Variants in CCDC7 observed in about 807,000 individuals in gnomAD.
The protein encoded by CCDC7 is coiled-coil domain containing 7.
A neutral mutation model predicts 196.9 loss-of-function variants in CCDC7; 183 were observed. The ratio of observed to expected loss-of-function variants is 0.93; its 90% CI spans 0.82 to 1.05. The LOEUF (loss-of-function observed/expected upper bound fraction) is 1.05, where lower values mean the gene tolerates loss of function less well. CCDC7 is among the 50% of genes least tolerant of loss of function. The pLI is 0.00. For missense variants in CCDC7, 1,540 were observed against 1,482.2 expected (o/e 1.04, Z -0.64); for synonymous variants, 525 against 484.6 (o/e 1.08, Z -1.10).
chr10:32,518,430 G>A, exon 11 of CCDC7: 1 of 1,602,628 alleles, frequency 6.2e-7, no homozygotes, highest in Admixed American at 1.7e-5. Context: ...ACAAACAGAT[G>A]CAGTGTGATT....
At chr10:32,699,464 C>G (rs1393203740) in intron 24 of CCDC7, among the ~76,000 whole-genome samples, 2 of 145,712 alleles carry the variant, frequency 1.4e-5, no homozygotes, top group Admixed American at 6.6e-5. Flanking sequence ...TGTTGGACAT[C>G]TGGGTTGGTT....
intron 18 of CCDC7, among the ~76,000 whole-genome samples, chr10:32,622,662 T>C (rs889467342): frequency 6.6e-6 from 1 of 152,022 alleles, no homozygotes; most frequent in Non-Finnish European, 1.5e-5. Context: ...GCAGGATGTT[T>C]AACAGCATGC....
At chr10:32,711,297 G>A (rs1317833543) in intron 24 of CCDC7, among the ~76,000 whole-genome samples, 1 of 151,968 alleles carries the variant, frequency 6.6e-6, no homozygotes, top group African/African-American at 2.4e-5. Context: ...AAATAATGCT[G>A]TAATGAATGA....
intron 8 of CCDC7, among the ~76,000 whole-genome samples, chr10:32,483,644 CTT>C (rs2040418834): frequency 6.6e-6 from 1 of 152,120 alleles, no homozygotes; most frequent in Non-Finnish European, 1.5e-5. Flanking sequence ...ACATTTAAGT[CTT>C]TAATCCATCT....
At chr10:32,460,069 G>A (rs1044014066) in intron 3 of CCDC7, among the ~76,000 whole-genome samples, 9 of 152,002 alleles carry the variant, frequency 5.9e-5, no homozygotes, top group Non-Finnish European at 8.8e-5. Context: ...ATGACCTGGA[G>A]CAAGAAACAA....
At chr10:32,723,664 A>G (rs898213378) in intron 25 of CCDC7, among the ~76,000 whole-genome samples, 2 of 151,970 alleles carry the variant, frequency 1.3e-5, no homozygotes, top group Admixed American at 6.6e-5. Context: ...TGCTAATAGT[A>G]TACTCTGAAA....
At chr10:32,712,910 G>T (rs1236249891) in intron 25 of CCDC7, among the ~76,000 whole-genome samples, 3 of 152,162 alleles carry the variant, frequency 2.0e-5, no homozygotes, top group Non-Finnish European at 4.4e-5. Context: ...CAGAAATAGT[G>T]TACAGATAGT....
At chr10:32,802,266 A>G (rs2084945608) in intron 29 of CCDC7, among the ~76,000 whole-genome samples, 1 of 152,172 alleles carries the variant, frequency 6.6e-6, no homozygotes, top group African/African-American at 2.4e-5. Flanking sequence ...AGTTCTTCAC[A>G]TATGGTCAAA....
chr10:32,673,523 T>C (rs568138730), intron 21 of CCDC7, among the ~76,000 whole-genome samples: 84 of 152,224 alleles, frequency 5.5e-4, no homozygotes, highest in Non-Finnish European at 8.5e-4. Flanking sequence ...TTTGATGTGA[T>C]TGTAAGTAGG....
chr10:32,544,331 T>G (rs371060697), intron 13 of CCDC7, 30 bp downstream of exon 14: 5 of 1,589,132 alleles, frequency 3.1e-6, no homozygotes, highest in Non-Finnish European at 3.4e-6. Context: ...TATGCATCAA[T>G]ATTTGATTAA....
At position 32,821,257 on chromosome 10, in the gene CCDC7, A is replaced by G. The variant is rs575416450; in HGVS notation, c.3182-3261A>G. Among the ~76,000 whole-genome samples, 1,209 of 152,312 alleles carry G rather than the reference A, an allele frequency of 7.9e-3. 7 individuals are homozygous for G. The highest frequency in any genetic ancestry group is 0.02 in the Middle Eastern group (6 of 294). On this transcript the variant is annotated intron_variant, in intron 31 of 41. Transcript: ENST00000639629. ...CAGAGAAATGCAAATCAAAACCACA[A>G]TGAGATACCATCTCACACCAGTTAG...
intron 16 of CCDC7, among the ~76,000 whole-genome samples, chr10:32,582,387 G>A (rs1026769326): frequency 7.9e-5 from 12 of 151,608 alleles, no homozygotes; most frequent in Admixed American, 6.6e-5. Context: ...GCATTTCATA[G>A]GACTAGGAAA....
chr10:32,542,332 C>T (rs1043249803), intron 11 of CCDC7, among the ~76,000 whole-genome samples: 2 of 152,052 alleles, frequency 1.3e-5, no homozygotes, highest in African/African-American at 4.8e-5. Context: ...TCTGCAAAAA[C>T]AATGAGTGAA....
chr10:32,692,955 T>A (rs1482420705), intron 23 of CCDC7, among the ~76,000 whole-genome samples: 2 of 152,162 alleles, frequency 1.3e-5, no homozygotes, highest in Non-Finnish European at 2.9e-5. Context: ...ACCACATGAA[T>A]ACCTTTAGCT....
intron 21 of CCDC7, among the ~76,000 whole-genome samples, chr10:32,685,181 C>T (rs1417952343): frequency 1.4e-5 from 2 of 144,184 alleles, no homozygotes; most frequent in African/African-American, 5.1e-5. Context: ...CCTTACCTAA[C>T]GGTGGCATAC....
At chr10:32,744,788 T>C (rs1256330343) in intron 28 of CCDC7, among the ~76,000 whole-genome samples, 1 of 152,206 alleles carries the variant, frequency 6.6e-6, no homozygotes, top group Non-Finnish European at 1.5e-5. Context: ...CTTTTCACAG[T>C]GTCTTTTACA....
chr10:32,605,331 A>G lies in CCDC7; in HGVS notation c.1801+21027A>G, dbSNP rs75003937. Among the ~76,000 whole-genome samples, 1,008 of 152,308 alleles carry G rather than the reference A, an allele frequency of 6.6e-3. 6 individuals carry two copies. Among genetic ancestry groups the G allele is most frequent in the South Asian group, 0.021 (99 of 4,826 alleles). On this transcript the variant is annotated intron_variant, in intron 18 of 41. Transcript: ENST00000639629. ...CTTTATACCAAGACAGGAATAGCCT[A>G]ACACAGGAAATTGGTACTGAGGAAT...
intron 18 of CCDC7, among the ~76,000 whole-genome samples, chr10:32,611,371 G>T (rs2062111867): frequency 6.6e-6 from 1 of 151,984 alleles, no homozygotes; most frequent in Non-Finnish European, 1.5e-5. Context: ...TCTGTAGATT[G>T]CCTGTTCACT....
chr10:32,663,568 A>G (rs2071980787), intron 20 of CCDC7, among the ~76,000 whole-genome samples: 1 of 152,146 alleles, frequency 6.6e-6, no homozygotes. Flanking sequence ...TCAGGTTGTA[A>G]CAATCTTTTT....
Sources: gnomAD v4.1 joint callset for allele counts (sites outside exome capture counted in the v4.1 genomes callset) on GRCh38, gnomAD v4.1.1 for gene constraint, MANE v1.5 for transcripts, NCBI Gene and HGNC (gene_info 2026-07-23, HGNC 2026-07-21) for gene names.